Variants in YWHAZ observed in about 807,000 individuals in gnomAD.
YWHAZ encodes the protein 14-3-3 protein zeta/delta.
For missense variants in YWHAZ, 79 were observed against 284.8 expected (o/e 0.28, Z 5.20); for synonymous variants, 87 against 103.6 (o/e 0.84, Z 0.97).
At chr8:100,942,990 T>C (rs920632164) in intron 2 of YWHAZ, among the ~76,000 whole-genome samples, 2 of 152,202 alleles carry the variant, frequency 1.3e-5, no homozygotes, top group African/African-American at 4.8e-5. Flanking sequence ...AGTATAATCC[T>C]GGGAACTATA....
chr8:100,937,896 C>T (rs941221326), intron 2 of YWHAZ, among the ~76,000 whole-genome samples: 9 of 152,092 alleles, frequency 5.9e-5, no homozygotes, highest in Non-Finnish European at 1.2e-4. Flanking sequence ...TTTGGGAGGC[C>T]GAGGCAGGAG....
chr8:100,917,336 TA>T lies in YWHAZ; in HGVS notation c.*3356del. The stretch of plus-strand genomic sequence containing the variant: ...CTGTTAACTGGAAAAACAAAGACCA[TA>T]AGCCAGAGCTGCAGGAAAGCCCATC... On this transcript the variant is annotated 3_prime_UTR_variant, in exon 6 of 6. Transcript: ENST00000395958. 6.6e-6 allele frequency: 1 copy of T among 151,982 alleles called. No individual in the cohort carries two copies. The highest frequency in any genetic ancestry group is 1.5e-5 in the Non-Finnish European group (1 of 68,014). 9.4% of individuals were successfully genotyped at this position (151,982 alleles called of 1,614,324 possible).
upstream of YWHAZ, chr8:100,952,829 C>G (rs1810901087): frequency 2.0e-6 from 2 of 1,000,624 alleles, no homozygotes; most frequent in South Asian, 4.7e-5. Context: ...CCCGGCCTCC[C>G]TCCCGCCGCC....
Position 100,918,443 on chromosome 8 carries a change from T to TAA in YWHAZ, c.*2248_*2249dup, listed in dbSNP as rs1554611443. ...ATATATATATATATATATATATATATAATTATTTTACCTCCTTGGCTTGGG... is the reference window on the plus strand; with the variant it reads ...ATATATATATATATATATATATATATAAAATTATTTTACCTCCTTGGCTTGGG... On this transcript the variant is annotated 3_prime_UTR_variant, in exon 6 of 6. Transcript: ENST00000395958. 2.8e-3 allele frequency: 325 copies of TAA among 117,042 alleles called. 8 individuals carry two copies. The highest frequency in any genetic ancestry group is 0.01 in the African/African-American group (298 of 29,648). 7.3% of individuals were successfully genotyped at this position (117,042 alleles called of 1,614,324 possible).
intron 2 of YWHAZ, among the ~76,000 whole-genome samples, chr8:100,947,077 C>A (rs1810341633): frequency 6.6e-6 from 1 of 151,106 alleles, no homozygotes; most frequent in Non-Finnish European, 1.5e-5. Context: ...CATGGTGAAA[C>A]CCCGTCTCTA....
chr8:100,947,384 G>C (rs1810377911), intron 2 of YWHAZ, among the ~76,000 whole-genome samples: 1 of 151,842 alleles, frequency 6.6e-6, no homozygotes, highest in Admixed American at 6.6e-5. Flanking sequence ...ACAAATAGTA[G>C]CTATCATTCT....
chr8:100,929,212 T>TC (rs1462403134), intron 2 of YWHAZ, among the ~76,000 whole-genome samples: 1 of 151,800 alleles, frequency 6.6e-6, no homozygotes, highest in African/African-American at 2.4e-5. Context: ...TTTTTTTTTT[T>TC]TTTTTTTGAG....
At chr8:100,931,573 C>T (rs915512025) in intron 2 of YWHAZ, among the ~76,000 whole-genome samples, 1 of 152,088 alleles carries the variant, frequency 6.6e-6, no homozygotes, top group East Asian at 1.9e-4. Context: ...TGAAATTCCA[C>T]CCTAACCCAT....
upstream of YWHAZ, chr8:100,953,032 C>A: frequency 1.0e-6 from 1 of 999,678 alleles, no homozygotes; most frequent in Non-Finnish European, 1.2e-6. Flanking sequence ...TGGGCCGGGC[C>A]GGGCGGAGCC....
intron 1 of YWHAZ, chr8:100,951,160 A>T (rs1158867924): frequency 4.1e-6 from 4 of 975,310 alleles, no homozygotes; most frequent in Non-Finnish European, 4.8e-6. Flanking sequence ...TCTAGGTCCC[A>T]GGCGAGCCCC....
In YWHAZ at chr8:100,917,388, C is replaced by T. The variant is rs1177953788; in HGVS notation, c.*3305G>A. ...GTTTTTACTAATCACACTGCTGCTC[C>T]ACTTTCTGAAGGACAACTCTTAAGT... On this transcript the variant is annotated 3_prime_UTR_variant, in exon 6 of 6. Transcript: ENST00000395958. 2 of 152,026 alleles carry T rather than the reference C, an allele frequency of 1.3e-5. No homozygotes were observed. Among genetic ancestry groups the T allele is most frequent in the East Asian group, 1.9e-4 (1 of 5,196 alleles). The allele number at this position is 152,026 out of a possible 1,614,324, so 9.4% of individuals were successfully genotyped here.
intron 2 of YWHAZ, among the ~76,000 whole-genome samples, chr8:100,934,393 T>TA (rs1196174162): frequency 6.7e-6 from 1 of 150,320 alleles, no homozygotes. Flanking sequence ...TAGAATACTA[T>TA]ACAGACATTA....
chr8:100,950,899 T>G (rs1300953848), intron 1 of YWHAZ: 1 of 162,182 alleles, frequency 6.2e-6, no homozygotes, highest in Middle Eastern at 3.1e-3. Context: ...GCGGCTATGC[T>G]CAGGCTCACC....
upstream of YWHAZ, chr8:100,952,690 G>A: frequency 1.4e-6 from 1 of 720,024 alleles, no homozygotes; most frequent in Non-Finnish European, 1.7e-6. Context: ...CAGGACTTGC[G>A]GGGCGGGGGC....
chr8:100,934,159 A>AAC (rs2130220645), intron 2 of YWHAZ, among the ~76,000 whole-genome samples: 1 of 115,540 alleles, frequency 8.7e-6, no homozygotes, highest in East Asian at 2.1e-4. Flanking sequence ...ACTCGTCTCA[A>AAC]AAAAAAAAAA....
chr8:100,923,855 A>G, intron 5 of YWHAZ, 100 bp downstream of exon 5: 1 of 927,682 alleles, frequency 1.1e-6, no homozygotes, highest in Non-Finnish European at 1.6e-6. Context: ...GTGTTGAGAA[A>G]AAATTTTAAA....
intron 5 of YWHAZ, 83 bp downstream of exon 5, chr8:100,923,872 A>T: frequency 8.5e-7 from 1 of 1,170,538 alleles, no homozygotes; most frequent in Non-Finnish European, 1.2e-6. Flanking sequence ...TAAAAGATGT[A>T]TTTAATAAAA....
At chr8:100,931,882 T>G (rs1193129363) in intron 2 of YWHAZ, 2 of 151,982 alleles carry the variant, frequency 1.3e-5, no homozygotes, top group African/African-American at 4.8e-5. Flanking sequence ...GCAAAAAAGT[T>G]TTCATTCAAA....
At chr8:100,932,715 C>T (rs1166779215) in intron 2 of YWHAZ, among the ~76,000 whole-genome samples, 1 of 152,018 alleles carries the variant, frequency 6.6e-6, no homozygotes, top group African/African-American at 2.4e-5. Context: ...AAAAGTGTTC[C>T]ATAAAAAAAG....
Sources: allele counts gnomAD v4.1 joint callset (sites outside exome capture counted in the v4.1 genomes callset), GRCh38; gene constraint gnomAD v4.1.1; transcripts MANE v1.5; gene names NCBI Gene and HGNC (gene_info 2026-07-23, HGNC 2026-07-21).